The following DOCK4 variants were observed in gnomAD, a reference collection of about 807,000 sequenced individuals.
The protein encoded by DOCK4 is dedicator of cytokinesis 4, also known as dedicator of cytokinesis protein 4.
In DOCK4, 97 loss-of-function variants were observed where a neutral mutation model predicts 268.1. That is an observed-to-expected ratio of 0.36 (90% CI 0.31 to 0.43). The LOEUF is 0.43. DOCK4 is among the 20% of genes least tolerant of loss of function. The pLI is 1.00. For missense variants in DOCK4, 2,145 were observed against 2,455.7 expected (o/e 0.87, Z 2.67); for synonymous variants, 954 against 887.2 (o/e 1.08, Z -1.34).
intron 17 of DOCK4, 31 bp from the exon 18 acceptor site, chr7:111,872,595 C>A: frequency 6.5e-7 from 1 of 1,531,408 alleles, no homozygotes; most frequent in Admixed American, 2.1e-5. Flanking sequence ...GATTAATTGC[C>A]TTAATAGAGA....
intron 4 of DOCK4, among the ~76,000 whole-genome samples, chr7:111,994,842 A>T (rs1383727951): frequency 6.6e-6 from 1 of 152,194 alleles, no homozygotes; most frequent in Admixed American, 6.5e-5. Flanking sequence ...GGCTTATGAC[A>T]TCACCGATAT....
rs760927078 is a variant in DOCK4, at chr7:111,989,136, G to A, written c.343C>T (p.Leu115=). 7.6e-5 allele frequency: 122 copies of A among 1,613,944 alleles called. No homozygotes were observed. The highest frequency in any genetic ancestry group is 9.7e-5 in the Non-Finnish European group (114 of 1,179,898). Reference sequence around the variant, plus strand: ...AGGATTTCATTCATGATGTGCCACAGCCGGTGGAAGAGATCGCCTTCATTA... The same window carrying A: ...AGGATTTCATTCATGATGTGCCACAACCGGTGGAAGAGATCGCCTTCATTA... The part of the protein sequence containing the change: ...VRNEGDLFHR[L]WHIMNEILDL... The change falls in exon 6 of 53, where the codon CTG becomes TTG. Residue 115 remains leucine (L), a synonymous_variant. Coordinates refer to ENST00000428084, the MANE Select transcript of DOCK4 (RefSeq NM_001363540.2).
chr7:112,166,548 A>G (rs967608926), intron 1 of DOCK4, among the ~76,000 whole-genome samples: 30 of 152,220 alleles, frequency 2.0e-4, no homozygotes, highest in African/African-American at 7.2e-4. Context: ...TTCAGAGCCT[A>G]CAGTGAATCT....
In DOCK4 at chr7:112,083,938, G is replaced by C. The variant is rs149201885; in HGVS notation, c.38-79807C>G. Among the ~76,000 whole-genome samples the C allele has an allele frequency of 8.8e-4, 134 of 152,306 alleles. 1 individual carries two copies. Among genetic ancestry groups the C allele is most frequent in the African/African-American group, 3.1e-3 (128 of 41,584 alleles). On this transcript the variant is annotated intron_variant, in intron 1 of 52. Transcript: ENST00000428084. Reference sequence around the variant, plus strand: ...TTGACTTACTTTGACCAACGGAATGGAATCAGATGTGATTCCAGTTGACAG... The same window carrying C: ...TTGACTTACTTTGACCAACGGAATGCAATCAGATGTGATTCCAGTTGACAG...
intron 32 of DOCK4, chr7:111,788,433 C>T (rs540353855): frequency 1.9e-6 from 1 of 519,996 alleles, no homozygotes; most frequent in African/African-American, 1.9e-5. Flanking sequence ...ACATATGCAA[C>T]CTGTCCTAAT....
chr7:111,955,044 G>A lies in DOCK4; in HGVS notation c.702-9246C>T, dbSNP rs545346832. On this transcript the variant is annotated intron_variant, in intron 8 of 52. Transcript: ENST00000428084. The stretch of plus-strand genomic sequence containing the variant: ...GCCCTAGTCTTAATTAATCAGAATT[G>A]CTGACTGTTTTATGATAGTCATGTA... Among the ~76,000 whole-genome samples, 14 of 152,266 alleles carry A rather than the reference G, an allele frequency of 9.2e-5. No homozygotes were observed. In the South Asian group the frequency reaches 2.9e-3, roughly 32 times the overall value.
At chr7:111,919,545 T>C (rs1792924436) in intron 12 of DOCK4, among the ~76,000 whole-genome samples, 1 of 152,226 alleles carries the variant, frequency 6.6e-6, no homozygotes, top group African/African-American at 2.4e-5. Context: ...GTTTTCAACC[T>C]GAAGGTTTAG....
chr7:112,175,608 C>T (rs1045651031), intron 1 of DOCK4, among the ~76,000 whole-genome samples: 2 of 151,260 alleles, frequency 1.3e-5, no homozygotes, highest in Admixed American at 1.3e-4. Context: ...TATTTTTTTT[C>T]AGCTGGATTG....
At chr7:111,790,795 C>G (rs1164075040) in intron 30 of DOCK4, among the ~76,000 whole-genome samples, 190 bp from the exon 31 acceptor site, 2 of 151,996 alleles carry the variant, frequency 1.3e-5, no homozygotes, top group African/African-American at 4.8e-5. Context: ...TGCAGTGGCT[C>G]ACGCCTGTAA....
intron 4 of DOCK4, among the ~76,000 whole-genome samples, chr7:111,995,731 G>T (rs1481532593): frequency 6.6e-6 from 1 of 151,920 alleles, no homozygotes; most frequent in Non-Finnish European, 1.5e-5. Context: ...AAATCTTCTT[G>T]TCAGACATAT....
rs529953496 is a variant in DOCK4, at chr7:111,840,736, C to T, written c.2736+4027G>A. On this transcript the variant is annotated intron_variant, in intron 25 of 52. Transcript: ENST00000428084. ...AGAGCACTGGAAGAATTCACAATGG[C>T]ACATTGTGGGATCTGCGTTTACTCA... 4.4e-6 allele frequency: 5 copies of T among 1,142,670 alleles called. No individual in the cohort carries two copies. The East Asian group carries it at 3.0e-4, about 68-fold the overall frequency. 70.8% of individuals were successfully genotyped at this position (1,142,670 alleles called of 1,614,324 possible). A position where few individuals can be genotyped will look rare whatever the true frequency, so the allele number is the denominator to read the frequency against.
intron 1 of DOCK4, among the ~76,000 whole-genome samples, chr7:112,087,704 T>C (rs1183813106): frequency 6.6e-6 from 1 of 152,100 alleles, no homozygotes; most frequent in Non-Finnish European, 1.5e-5. Flanking sequence ...TTGGGTTATC[T>C]CCTAAATAGA....
intron 1 of DOCK4, among the ~76,000 whole-genome samples, chr7:112,201,896 A>G (rs1820971520): frequency 6.6e-6 from 1 of 152,200 alleles, no homozygotes; most frequent in African/African-American, 2.4e-5. Context: ...CTCTATATTT[A>G]TGAAGTAAAC....
chr7:112,056,181 T>C (rs1361585926), intron 1 of DOCK4, among the ~76,000 whole-genome samples: 1 of 152,082 alleles, frequency 6.6e-6, no homozygotes, highest in African/African-American at 2.4e-5. Flanking sequence ...GAAGAGCAGC[T>C]CAGCTTATTT....
At chr7:111,731,917 A>AG (rs1378269504) in intron 52 of DOCK4, among the ~76,000 whole-genome samples, 1 of 152,044 alleles carries the variant, frequency 6.6e-6, no homozygotes, top group Non-Finnish European at 1.5e-5. Context: ...AAAGTTTCCT[A>AG]GGAGGTACAT....
At chr7:111,852,098 G>A (rs1804621613) in intron 23 of DOCK4, among the ~76,000 whole-genome samples, 1 of 151,980 alleles carries the variant, frequency 6.6e-6, no homozygotes, top group Non-Finnish European at 1.5e-5. Context: ...GAGTAGCTGG[G>A]ATTACAGGCA....
chr7:112,011,225 C>G (rs1188867407), intron 1 of DOCK4, among the ~76,000 whole-genome samples: 1 of 152,218 alleles, frequency 6.6e-6, no homozygotes, highest in Non-Finnish European at 1.5e-5. Flanking sequence ...CAACTTCGCC[C>G]TCTGGCAAGT....
chr7:111,834,625 T>C lies in DOCK4; in HGVS notation c.2798A>G (p.Gln933Arg). ...CTTTGTATTAAAACTATCAAGAAGCTGTTGATAATGTCTATCTGTCATTTG... is the reference window on the plus strand; with the variant it reads ...CTTTGTATTAAAACTATCAAGAAGCCGTTGATAATGTCTATCTGTCATTTG... ...LRQMTDRHYQQLLDSFNTKEE... is the reference protein window; with the variant it reads ...LRQMTDRHYQRLLDSFNTKEE... The change falls in exon 26 of 53, where the codon CAG (glutamine) becomes CGG (arginine). Residue 933 changes from glutamine (Q) to arginine (R), a missense_variant. Physicochemically the swap from Gln to Arg is conservative, Grantham distance 43 (BLOSUM62 1). Transcript: ENST00000428084. 1 of 1,559,772 alleles carries C rather than the reference T, an allele frequency of 6.4e-7. No homozygotes were observed.
chr7:111,801,170 A>G (rs1412548158), intron 30 of DOCK4, among the ~76,000 whole-genome samples: 2 of 152,146 alleles, frequency 1.3e-5, no homozygotes, highest in Non-Finnish European at 2.9e-5. Flanking sequence ...GGCGACCCAC[A>G]TTTGCATATT....
Sources: gnomAD v4.1 joint callset for allele counts (sites outside exome capture counted in the v4.1 genomes callset) on GRCh38, gnomAD v4.1.1 for gene constraint, MANE v1.5 for transcripts, NCBI Gene and HGNC (gene_info 2026-07-23, HGNC 2026-07-21) for gene names.